The following SLC22A23 variants were observed in gnomAD, a reference collection of about 807,000 sequenced individuals.
SLC22A23 encodes solute carrier family 22 member 23.
SLC22A23 carries 26 observed loss-of-function variants against 61.0 expected under a neutral mutation model. The ratio of observed to expected loss-of-function variants is 0.43; its 90% CI spans 0.31 to 0.59. The LOEUF is 0.59. Ranked by LOEUF, SLC22A23 falls within the 20% of genes least tolerant of loss-of-function variation. The probability of loss-of-function intolerance (pLI) is 0.11; values close to 1 mark genes in which losing one functional copy is unlikely to be tolerated. For missense variants in SLC22A23, 796 were observed against 934.7 expected (o/e 0.85, Z 1.94); for synonymous variants, 430 against 413.9 (o/e 1.04, Z -0.47).
At chr6:3,364,098 T>G (rs1765651955) in intron 3 of SLC22A23, among the ~76,000 whole-genome samples, 1 of 152,240 alleles carries the variant, frequency 6.6e-6, no homozygotes, top group African/African-American at 2.4e-5. Flanking sequence ...CCTGGGGCAC[T>G]TTCACGAACC....
rs879706805 is a variant in SLC22A23 at position 3,327,710 on chromosome 6, C to T, written c.914-3708G>A. ...GAACATAGGTGCTATGTGTTACAAT[C>T]TCGTGCATTATTTTTCCAGATTTTG... On this transcript the variant is annotated intron_variant, in intron 3 of 9. Coordinates refer to ENST00000406686, the MANE Select transcript of SLC22A23 (RefSeq NM_015482.2). The surrounding 1 kb of genome is among the most constrained non-coding windows in gnomAD (Gnocchi z 4.1). Among the ~76,000 whole-genome samples, 3 of 152,192 alleles carry T rather than the reference C, an allele frequency of 2.0e-5. No homozygotes were observed. Among genetic ancestry groups the T allele is most frequent in the Admixed American group, 2.0e-4 (3 of 15,278 alleles).
At chr6:3,369,508 T>C (rs1486114353) in intron 3 of SLC22A23, among the ~76,000 whole-genome samples, 3 of 152,052 alleles carry the variant, frequency 2.0e-5, no homozygotes, top group African/African-American at 4.8e-5. Context: ...CTGGCCAACA[T>C]GGTGAAACCC....
At chr6:3,443,045 G>C (rs1481526324) in intron 1 of SLC22A23, among the ~76,000 whole-genome samples, 1 of 152,190 alleles carries the variant, frequency 6.6e-6, no homozygotes, top group African/African-American at 2.4e-5. Context: ...TCAGGGCTCT[G>C]TAAAGCTGTT....
intron 1 of SLC22A23, among the ~76,000 whole-genome samples, chr6:3,441,745 C>A (rs1561985723): frequency 6.6e-6 from 1 of 152,214 alleles, no homozygotes; most frequent in Non-Finnish European, 1.5e-5. Context: ...CCCCGCTCAT[C>A]CTGTGCCGCA....
chr6:3,441,846 C>T (rs1158807386), intron 1 of SLC22A23, among the ~76,000 whole-genome samples: 1 of 152,174 alleles, frequency 6.6e-6, no homozygotes, highest in Non-Finnish European at 1.5e-5. Context: ...ATCTGTGACA[C>T]CAGCCCAGGG....
chr6:3,287,124 C>T, intron 6 of SLC22A23, 33 bp from the exon 7 acceptor site: 2 of 1,602,380 alleles, frequency 1.2e-6, no homozygotes, highest in Non-Finnish European at 8.5e-7. Context: ...AGTGGGTGGG[C>T]TGCCCCCATG....
intron 3 of SLC22A23, among the ~76,000 whole-genome samples, chr6:3,382,115 T>C (rs1766990111): frequency 6.6e-6 from 1 of 152,196 alleles, no homozygotes; most frequent in South Asian, 2.1e-4. Context: ...TCAACAAAGA[T>C]AAGTCAATAT....
At position 3,427,415 on chromosome 6, in the gene SLC22A23, CT is replaced by C. The variant is rs1770573366; in HGVS notation, c.655-11561del. 1.3e-5 allele frequency among the ~76,000 whole-genome samples: 2 copies of C among 151,700 alleles called. No homozygotes were observed. The highest frequency in any genetic ancestry group is 4.1e-4 in the South Asian group (2 of 4,824). Reference sequence around the variant, plus strand: ...TGAGCTATTCATTTTAGCCTCACCCCTAACTGACCCAAATTAAGGGGTATTT... The same window carrying C: ...TGAGCTATTCATTTTAGCCTCACCCCAACTGACCCAAATTAAGGGGTATTT... On this transcript the variant is annotated intron_variant, in intron 1 of 9. Transcript: ENST00000406686. This position sits in a 1 kb window ranked among gnomAD's most constrained non-coding sequence, Gnocchi z 4.3.
intron 3 of SLC22A23, among the ~76,000 whole-genome samples, chr6:3,325,965 C>A (rs1763256275): frequency 6.6e-6 from 1 of 152,250 alleles, no homozygotes; most frequent in Admixed American, 6.5e-5. Context: ...TTCAATACCT[C>A]TCTTTAGTGA....
At chr6:3,321,308 G>C (rs531268845) in intron 4 of SLC22A23, among the ~76,000 whole-genome samples, 13 of 152,376 alleles carry the variant, frequency 8.5e-5, no homozygotes, top group Admixed American at 3.9e-4. Flanking sequence ...GCTCTACCCA[G>C]ACTGCAGAGC....
chr6:3,285,056 C>T (rs752267765), intron 8 of SLC22A23, 23 bp downstream of exon 8: 2 of 1,612,200 alleles, frequency 1.2e-6, no homozygotes, highest in Non-Finnish European at 1.7e-6. Flanking sequence ...CGAGGAAGCA[C>T]AGCCCACGCG....
rs536467834 is a variant in SLC22A23 at position 3,427,888 on chromosome 6, G to A, written c.655-12033C>T. On this transcript the variant is annotated intron_variant, in intron 1 of 9. Coordinates refer to ENST00000406686, the MANE Select transcript of SLC22A23 (RefSeq NM_015482.2). This position sits in a 1 kb window ranked among gnomAD's most constrained non-coding sequence, Gnocchi z 4.3. ...AGTGTGACTGTGCAGGCTGGCTCCC[G>A]GCCCCCGCCCTCTGGTCGGGAGAGG... is the stretch of plus-strand genomic sequence containing the variant. Among the ~76,000 whole-genome samples the A allele has an allele frequency of 1.3e-3, 200 of 152,286 alleles. 2 individuals are homozygous for A. Among genetic ancestry groups the A allele is most frequent in the African/African-American group, 4.6e-3 (191 of 41,552 alleles).
rs1013262929 is a variant in SLC22A23 at position 3,317,354 on chromosome 6, C to T, written c.1082+6480G>A. On this transcript the variant is annotated intron_variant, in intron 4 of 9. Coordinates refer to ENST00000406686, the MANE Select transcript of SLC22A23 (RefSeq NM_015482.2). This position sits in a 1 kb window ranked among gnomAD's most constrained non-coding sequence, Gnocchi z 4.4. ...TGGCCACCTGGAAGGGGCACCTTTCCGCAGTGTGCACAATTTCAGAGCAGC... is the reference window on the plus strand; with the variant it reads ...TGGCCACCTGGAAGGGGCACCTTTCTGCAGTGTGCACAATTTCAGAGCAGC... Among the ~76,000 whole-genome samples the T allele has an allele frequency of 2.0e-5, 3 of 152,148 alleles. No homozygotes were observed. The highest frequency in any genetic ancestry group is 1.9e-4 in the East Asian group (1 of 5,194).
chr6:3,305,525 C>T (rs748480000), intron 4 of SLC22A23, among the ~76,000 whole-genome samples: 5 of 152,208 alleles, frequency 3.3e-5, no homozygotes, highest in Non-Finnish European at 7.3e-5. Context: ...TCTGAACAAG[C>T]CCAGAGATGG....
chr6:3,349,865 C>T (rs528067151), intron 3 of SLC22A23, among the ~76,000 whole-genome samples: 2 of 152,356 alleles, frequency 1.3e-5, no homozygotes, highest in Non-Finnish European at 2.9e-5. Flanking sequence ...GCTCCCATCG[C>T]TCTCTGATCA....
chr6:3,358,334 C>G (rs1173261587), intron 3 of SLC22A23, among the ~76,000 whole-genome samples: 1 of 152,122 alleles, frequency 6.6e-6, no homozygotes, highest in Non-Finnish European at 1.5e-5. Flanking sequence ...CAGAGGTCCA[C>G]TGATAGGTGA....
intron 1 of SLC22A23, chr6:3,438,442 A>T: frequency 2.2e-6 from 1 of 448,666 alleles, no homozygotes; most frequent in South Asian, 1.6e-5. Flanking sequence ...CCTGGCGGGA[A>T]CCAGCCTGAT....
rs144653350 is a variant in SLC22A23, at chr6:3,347,293, G to A, written c.914-23291C>T. 4.3e-3 allele frequency among the ~76,000 whole-genome samples: 653 copies of A among 152,200 alleles called. 6 individuals carry two copies. The highest frequency in any genetic ancestry group is 0.015 in the African/African-American group (617 of 41,480). On this transcript the variant is annotated intron_variant, in intron 3 of 9. Transcript: ENST00000406686. The stretch of plus-strand genomic sequence containing the variant: ...TCTGTCCCCCCAACTGGACCCTAGC[G>A]TTCTTGTGGGCCATGTCCTTCTCTC...
chr6:3,302,544 C>G (rs933382220), intron 4 of SLC22A23, among the ~76,000 whole-genome samples: 20 of 152,250 alleles, frequency 1.3e-4, no homozygotes, highest in African/African-American at 4.6e-4. Context: ...TGAAATCGCT[C>G]TAGTTTTTTG....
Sources: allele counts gnomAD v4.1 joint callset (sites outside exome capture counted in the v4.1 genomes callset), GRCh38; gene constraint gnomAD v4.1.1; non-coding constraint Gnocchi (gnomAD v3.1); transcripts MANE v1.5; gene names NCBI Gene and HGNC (gene_info 2026-07-23, HGNC 2026-07-21).